Variants in LDAH observed in about 807,000 individuals in gnomAD.
LDAH encodes lipid droplet-associated hydrolase.
Under a neutral mutation model 29.6 loss-of-function variants are expected in LDAH, and 26 were observed. The ratio of observed to expected loss-of-function variants is 0.88; its 90% CI spans 0.64 to 1.22. The LOEUF is 1.22. Among genes scored for constraint, LDAH ranks in the 50% most tolerant of loss-of-function variants. The probability of loss-of-function intolerance (pLI) is 0.00; values close to 1 mark genes in which losing one functional copy is unlikely to be tolerated. For synonymous variants in LDAH, 117 were observed against 133.0 expected (o/e 0.88, Z 0.83); for missense variants, 344 against 387.3 (o/e 0.89, Z 0.94).
chr2:20,705,226 C>T (rs1664218472), intron 5 of LDAH, among the ~76,000 whole-genome samples: 1 of 152,142 alleles, frequency 6.6e-6, no homozygotes, highest in African/African-American at 2.4e-5. Flanking sequence ...TATTATCTTC[C>T]AGCATCCAAG....
Position 20,822,268 on chromosome 2 carries a change from G to A in LDAH, c.-3+769C>T, listed in dbSNP as rs560788434. ...GTCTCCCGAGTAGCTGGGACTACAGGCGCCCGCCACCACGCCCGGCTAATT... is the reference window on the plus strand; with the variant it reads ...GTCTCCCGAGTAGCTGGGACTACAGACGCCCGCCACCACGCCCGGCTAATT... On this transcript the variant is annotated intron_variant, in intron 1 of 6. Coordinates refer to ENST00000237822, the MANE Select transcript of LDAH (RefSeq NM_021925.4). 5.8e-4 allele frequency among the ~76,000 whole-genome samples: 89 copies of A among 152,202 alleles called. 2 individuals carry two copies. The South Asian group carries it at 0.019, about 32-fold the overall frequency.
At chr2:20,782,738 G>C (rs1395723554) in intron 3 of LDAH, among the ~76,000 whole-genome samples, 1 of 151,968 alleles carries the variant, frequency 6.6e-6, no homozygotes, top group Non-Finnish European at 1.5e-5. Flanking sequence ...CTGGCTACAG[G>C]CTTATTAATT....
At chr2:20,813,106 A>G (rs1424076233) in intron 1 of LDAH, among the ~76,000 whole-genome samples, 1 of 152,190 alleles carries the variant, frequency 6.6e-6, no homozygotes, top group Non-Finnish European at 1.5e-5. Flanking sequence ...ATATGCATAT[A>G]TATAATTTCA....
intron 5 of LDAH, among the ~76,000 whole-genome samples, chr2:20,723,767 T>A (rs1196428612): frequency 6.6e-6 from 1 of 152,146 alleles, no homozygotes; most frequent in South Asian, 2.1e-4. Context: ...GCAATGACTG[T>A]CAACAGCATT....
At chr2:20,688,078 A>G (rs1558374656) in intron 6 of LDAH, among the ~76,000 whole-genome samples, 2 of 152,214 alleles carry the variant, frequency 1.3e-5, no homozygotes, top group Admixed American at 1.3e-4. Context: ...TCAAATACAA[A>G]TGGAGCACCT....
At chr2:20,726,812 C>T (rs141464625) in intron 5 of LDAH, among the ~76,000 whole-genome samples, 29 of 152,162 alleles carry the variant, frequency 1.9e-4, no homozygotes, top group African/African-American at 7.0e-4. Context: ...ACTGAGTTCA[C>T]CAAAGTGAAA....
chr2:20,754,000 G>A (rs577023548), intron 4 of LDAH, among the ~76,000 whole-genome samples: 42 of 152,122 alleles, frequency 2.8e-4, no homozygotes, highest in Admixed American at 4.6e-4. Context: ...GAAGGTTCTT[G>A]CTTATAAAAG....
chr2:20,684,880 T>C lies in LDAH; in HGVS notation c.*2023A>G, dbSNP rs1285577480. 2 of 1,548,430 alleles carry C rather than the reference T, an allele frequency of 1.3e-6. No homozygotes were observed. Among genetic ancestry groups the C allele is most frequent in the African/African-American group, 1.4e-5 (1 of 72,954 alleles). ...TTGTCCATTTTAGTCTAATCCCTAA[T>C]GAAACAGAATGAACTTCAGTCTCTT... is the stretch of plus-strand genomic sequence containing the variant. On this transcript the variant is annotated 3_prime_UTR_variant, in exon 7 of 7. Coordinates refer to ENST00000237822, the MANE Select transcript of LDAH (RefSeq NM_021925.4).
Position 20,746,474 on chromosome 2 carries a change from C to T in LDAH, c.469-6269G>A, listed in dbSNP as rs965558777. ...AATATGTACATTGAATGCGTCACTG[C>T]CTTGTAAAAATATAAGAAGACCAAA... On this transcript the variant is annotated intron_variant, in intron 4 of 6. Coordinates refer to ENST00000237822, the MANE Select transcript of LDAH (RefSeq NM_021925.4). 4.6e-5 allele frequency among the ~76,000 whole-genome samples: 7 copies of T among 152,066 alleles called. No homozygotes were observed. The East Asian group carries it at 1.3e-3, about 29-fold the overall frequency.
intron 1 of LDAH, among the ~76,000 whole-genome samples, chr2:20,813,600 T>C (rs1232506399): frequency 1.3e-5 from 2 of 152,214 alleles, no homozygotes; most frequent in Non-Finnish European, 2.9e-5. Flanking sequence ...TTTGTTTTTA[T>C]AGGCCAGATT....
At chr2:20,788,070 C>T (rs576119635) in intron 3 of LDAH, among the ~76,000 whole-genome samples, 7 of 152,044 alleles carry the variant, frequency 4.6e-5, no homozygotes, top group African/African-American at 7.2e-5. Context: ...TACAGGACAC[C>T]GATTTTTTAT....
chr2:20,684,885 C>T lies in LDAH; in HGVS notation c.*2018G>A. 1 of 1,548,364 alleles carries T rather than the reference C, an allele frequency of 6.5e-7. No individual in the cohort carries two copies. Among genetic ancestry groups the T allele is most frequent in the Non-Finnish European group, 8.7e-7 (1 of 1,146,056 alleles). On this transcript the variant is annotated 3_prime_UTR_variant, in exon 7 of 7. Coordinates refer to ENST00000237822, the MANE Select transcript of LDAH (RefSeq NM_021925.4). ...CATTTTAGTCTAATCCCTAATGAAA[C>T]AGAATGAACTTCAGTCTCTTGAAAT...
intron 5 of LDAH, among the ~76,000 whole-genome samples, chr2:20,704,784 TTTAC>T (rs1348886597): frequency 6.6e-6 from 1 of 152,236 alleles, no homozygotes; most frequent in East Asian, 1.9e-4. Context: ...ATTTGTTGCC[TTTAC>T]TTGATTTTCT....
At chr2:20,701,922 C>T (rs1052393295) in intron 5 of LDAH, among the ~76,000 whole-genome samples, 2 of 152,168 alleles carry the variant, frequency 1.3e-5, no homozygotes, top group Middle Eastern at 3.2e-3. Context: ...TGTCAGATAC[C>T]ACAGCAGATG....
chr2:20,684,301 C>T lies in LDAH; in HGVS notation c.*2602G>A, dbSNP rs1299158068. The stretch of plus-strand genomic sequence containing the variant: ...ATTCAAGTTGTGCAAATTGTCTCAA[C>T]AATGTCTTTTATAACAAAAACATCC... On this transcript the variant is annotated 3_prime_UTR_variant, in exon 7 of 7. Transcript: ENST00000237822. The T allele has an allele frequency of 6.6e-6, 1 of 152,124 alleles. No homozygotes were observed. Among genetic ancestry groups the T allele is most frequent in the Non-Finnish European group, 1.5e-5 (1 of 68,014 alleles). 9.4% of individuals were successfully genotyped at this position (152,124 alleles called of 1,614,324 possible).
At chr2:20,743,216 C>T (rs1188291438) in intron 4 of LDAH, among the ~76,000 whole-genome samples, 3 of 151,526 alleles carry the variant, frequency 2.0e-5, no homozygotes, top group African/African-American at 7.3e-5. Flanking sequence ...CATTTTCTCT[C>T]CTTTCTTAGC....
chr2:20,740,139 C>T lies in LDAH; in HGVS notation c.535G>A (p.Ala179Thr), dbSNP rs1436611262. ...RMSESPNGRI[A>T]TPLLCWFRYV... Reference sequence around the variant, plus strand: ...CGAAACCAGCACAAAAGTGGAGTGGCAATTCTGCCATTGGGTGACTCAGAC... The same window carrying T: ...CGAAACCAGCACAAAAGTGGAGTGGTAATTCTGCCATTGGGTGACTCAGAC... Residue 179 changes from alanine to threonine, a missense_variant, in exon 5 of 7, where the codon GCC (alanine) becomes ACC (threonine). By Grantham distance (58) the Ala-to-Thr change is moderately conservative. Transcript: ENST00000237822. 1 of 1,614,096 alleles carries T rather than the reference C, an allele frequency of 6.2e-7. No individual in the cohort carries two copies. The highest frequency in any genetic ancestry group is 8.5e-7 in the Non-Finnish European group (1 of 1,179,970).
chr2:20,716,873 C>T, intron 5 of LDAH, among the ~76,000 whole-genome samples: 1 of 99,056 alleles, frequency 1.0e-5, no homozygotes, highest in Non-Finnish European at 2.4e-5. Flanking sequence ...CCAGAGCCTC[C>T]AGACAAGAAG....
chr2:20,687,007 G>T lies in LDAH; in HGVS notation c.874C>A (p.Arg292=). 1.9e-6 allele frequency: 3 copies of T among 1,613,980 alleles called. No homozygotes were observed. The highest frequency in any genetic ancestry group is 2.5e-6 in the Non-Finnish European group (3 of 1,179,918). The part of the protein sequence containing the change: ...IKKDFPEGDI[R]LCEKNIPHAF... Reference sequence around the variant, plus strand: ...TGAGGTATGTTTTTCTCACAGAGTCGAATGTCTCCTTCTGGAAAATCCTTC... The same window carrying T: ...TGAGGTATGTTTTTCTCACAGAGTCTAATGTCTCCTTCTGGAAAATCCTTC... The change falls in exon 7 of 7, where the codon CGA becomes AGA. Residue 292 remains arginine, a synonymous_variant. Transcript: ENST00000237822.
Sources: allele counts gnomAD v4.1 joint callset (sites outside exome capture counted in the v4.1 genomes callset), GRCh38; gene constraint gnomAD v4.1.1; transcripts MANE v1.5; gene names NCBI Gene and HGNC (gene_info 2026-07-23, HGNC 2026-07-21).